Variants in FNBP1 observed in about 807,000 individuals in gnomAD.
FNBP1 encodes formin binding protein 1, also known as formin-binding protein 1.
In FNBP1, 26 loss-of-function variants were observed where a neutral mutation model predicts 90.6. The ratio of observed to expected loss-of-function variants is 0.29; its 90% CI spans 0.21 to 0.40. The LOEUF is 0.40. Ranked by LOEUF, FNBP1 falls within the 10% of genes least tolerant of loss-of-function variation. The probability of loss-of-function intolerance (pLI) is 1.00; values close to 1 mark genes in which losing one functional copy is unlikely to be tolerated. For synonymous variants in FNBP1, 260 were observed against 265.2 expected (o/e 0.98, Z 0.19); for missense variants, 635 against 768.0 (o/e 0.83, Z 2.05).
chr9:130,047,533 A>C (rs549141593), upstream of FNBP1, among the ~76,000 whole-genome samples: 53 of 152,334 alleles, frequency 3.5e-4, no homozygotes, highest in African/African-American at 1.1e-3. Context: ...GAATCGCGTG[A>C]ACCTGGGAGG....
intron 1 of FNBP1, among the ~76,000 whole-genome samples, chr9:129,995,798 G>A (rs1403007651): frequency 6.6e-6 from 1 of 152,146 alleles, no homozygotes; most frequent in Admixed American, 6.6e-5. Flanking sequence ...GAAGGGAAGT[G>A]GAGTTGGCGA....
intron 1 of FNBP1, among the ~76,000 whole-genome samples, chr9:130,023,475 G>A (rs2058047880): frequency 6.6e-6 from 1 of 152,172 alleles, no homozygotes; most frequent in Non-Finnish European, 1.5e-5. Flanking sequence ...CCCCGGCCAA[G>A]GGCAAGGCAG....
At chr9:130,013,931 T>G (rs1463612772) in intron 1 of FNBP1, 1 of 450,636 alleles carries the variant, frequency 2.2e-6, no homozygotes, top group Non-Finnish European at 4.5e-6. Context: ...CTTTCCAACC[T>G]CTAGATTCAT....
intron 6 of FNBP1, among the ~76,000 whole-genome samples, chr9:129,945,376 CT>C (rs1169051056): frequency 6.6e-6 from 1 of 152,092 alleles, no homozygotes; most frequent in African/African-American, 2.4e-5. Flanking sequence ...TAACCACTTC[CT>C]TTTTAAAAAA....
At chr9:130,017,772 G>C (rs995494076) in intron 1 of FNBP1, among the ~76,000 whole-genome samples, 2 of 151,134 alleles carry the variant, frequency 1.3e-5, no homozygotes, top group Non-Finnish European at 2.9e-5. Flanking sequence ...AGAGGTTGCA[G>C]TGAGCTAAGA....
At chr9:130,018,436 C>T (rs2057473963) in intron 1 of FNBP1, among the ~76,000 whole-genome samples, 2 of 152,286 alleles carry the variant, frequency 1.3e-5, no homozygotes, top group South Asian at 4.1e-4. Context: ...CTGTGACAGG[C>T]ATGCAGGCAG....
chr9:129,941,878 C>T (rs368885277), intron 6 of FNBP1, among the ~76,000 whole-genome samples: 1 of 152,142 alleles, frequency 6.6e-6, no homozygotes, highest in Non-Finnish European at 1.5e-5. Flanking sequence ...CAAGACCCCC[C>T]TGGCTGACAT....
At chr9:130,036,754 A>G (rs997510138) in intron 1 of FNBP1, among the ~76,000 whole-genome samples, 3 of 152,216 alleles carry the variant, frequency 2.0e-5, no homozygotes, top group African/African-American at 7.2e-5. Context: ...GTTAAGAAAA[A>G]GGAGCAGTAG....
intron 1 of FNBP1, among the ~76,000 whole-genome samples, chr9:130,005,408 C>T (rs1446028056): frequency 6.9e-6 from 1 of 144,818 alleles, no homozygotes; most frequent in African/African-American, 2.6e-5. Context: ...GTGGTGCGAT[C>T]TCAGCTCACT....
At chr9:129,904,468 C>A (rs1011898280) in intron 12 of FNBP1, among the ~76,000 whole-genome samples, 5 of 152,090 alleles carry the variant, frequency 3.3e-5, no homozygotes, top group African/African-American at 4.8e-5. Flanking sequence ...GGTTAAGGGC[C>A]AACTTTGATG....
chr9:130,023,668 C>A (rs2058067805), intron 1 of FNBP1, among the ~76,000 whole-genome samples: 1 of 151,662 alleles, frequency 6.6e-6, no homozygotes, highest in African/African-American at 2.4e-5. Flanking sequence ...AGATCTGAGC[C>A]CCACTCACTC....
Position 129,923,891 on chromosome 9 carries a change from T to G in FNBP1, c.1123A>C (p.Met375Leu). 3 of 1,602,364 alleles carry G rather than the reference T, an allele frequency of 1.9e-6. No homozygotes were observed. Among genetic ancestry groups the G allele is most frequent in the African/African-American group, 1.4e-5 (1 of 73,912 alleles). Reference sequence around the variant, plus strand: ...CAGTGGATTTTGGGTTTGGAGGTCATGAACTCGTTGAAGCGATGGGAGAGG... The same window carrying G: ...CAGTGGATTTTGGGTTTGGAGGTCAGGAACTCGTTGAAGCGATGGGAGAGG... Reference protein sequence around the residue: ...EPLSHRFNEFMTSKPKIHCFR... With the variant: ...EPLSHRFNEFLTSKPKIHCFR... The change falls in exon 10 of 17, where the codon ATG becomes CTG. Residue 375 changes from methionine (M) to leucine (L), a missense_variant. Coordinates refer to ENST00000446176, the MANE Select transcript of FNBP1 (RefSeq NM_015033.3).
At chr9:129,960,354 A>AG (rs1270102090) in intron 4 of FNBP1, among the ~76,000 whole-genome samples, 1 of 139,178 alleles carries the variant, frequency 7.2e-6, no homozygotes, top group African/African-American at 2.7e-5. Flanking sequence ...GCTGTACTCC[A>AG]GCCTGGGTGA....
At chr9:129,979,143 T>C (rs1380707217) in intron 3 of FNBP1, among the ~76,000 whole-genome samples, 175 bp downstream of exon 3, 4 of 152,260 alleles carry the variant, frequency 2.6e-5, no homozygotes, top group African/African-American at 9.6e-5. Context: ...ATAGGTCCAG[T>C]GACTCCATAT....
At chr9:129,898,178 CATCTGACGA>C (rs1441720671) in intron 15 of FNBP1, among the ~76,000 whole-genome samples, 1 of 152,186 alleles carries the variant, frequency 6.6e-6, no homozygotes, top group Admixed American at 6.5e-5. Flanking sequence ...GGATCCTACA[CATCTGACGA>C]TGACTTTCCT....
At chr9:129,987,323 C>A (rs111643103) in intron 2 of FNBP1, among the ~76,000 whole-genome samples, 1 of 152,014 alleles carries the variant, frequency 6.6e-6, no homozygotes, top group Non-Finnish European at 1.5e-5. Context: ...GATGACTCTA[C>A]GTTCAAATAT....
upstream of FNBP1, chr9:130,043,262 C>T (rs1476224249): frequency 2.3e-5 from 6 of 264,786 alleles, no homozygotes; most frequent in Non-Finnish European, 3.5e-5. Flanking sequence ...CGGGGCCGGT[C>T]TGACAGCTCG....
At chr9:130,021,461 A>C (rs2057818154) in intron 1 of FNBP1, among the ~76,000 whole-genome samples, 1 of 152,228 alleles carries the variant, frequency 6.6e-6, no homozygotes, top group African/African-American at 2.4e-5. Context: ...TGCCATGAGA[A>C]GTCTACCATT....
chr9:129,927,077 G>A, intron 8 of FNBP1, 118 bp downstream of exon 8: 1 of 989,454 alleles, frequency 1.0e-6, no homozygotes, highest in Non-Finnish European at 1.5e-6. Context: ...GAGCATGTGT[G>A]ACCACCAAAA....
Sources: allele counts gnomAD v4.1 joint callset (sites outside exome capture counted in the v4.1 genomes callset), GRCh38; gene constraint gnomAD v4.1.1; transcripts MANE v1.5; gene names NCBI Gene and HGNC (gene_info 2026-07-23, HGNC 2026-07-21).